Variants in LOXHD1 observed in about 807,000 individuals in gnomAD.
LOXHD1 encodes lipoxygenase homology domain-containing protein 1.
LOXHD1 carries 205 observed loss-of-function variants against 248.2 expected under a neutral mutation model. That is an observed-to-expected ratio of 0.83 (90% CI 0.74 to 0.93). The LOEUF is 0.93. Among genes scored for constraint, LOXHD1 ranks in the 40% least tolerant of loss-of-function variants. The probability of loss-of-function intolerance (pLI) is 0.00; values close to 1 mark genes in which losing one functional copy is unlikely to be tolerated. For missense variants in LOXHD1, 2,930 were observed against 2,971.6 expected (o/e 0.99, Z 0.33); for synonymous variants, 1,113 against 1,162.8 (o/e 0.96, Z 0.87).
chr18:46,546,518 C>CATTCT (rs2036845379), intron 22 of LOXHD1, among the ~76,000 whole-genome samples: 1 of 151,732 alleles, frequency 6.6e-6, no homozygotes, highest in Non-Finnish European at 1.5e-5. Flanking sequence ...CATTCCATTC[C>CATTCT]ACTCTACTCC....
intron 8 of LOXHD1, among the ~76,000 whole-genome samples, chr18:46,598,206 T>A (rs328138): frequency 6.6e-6 from 1 of 151,988 alleles, no homozygotes; most frequent in Non-Finnish European, 1.5e-5. Context: ...ATGAATAAAA[T>A]AGAAAGACCA....
chr18:46,630,869 G>A (rs1038141637), intron 4 of LOXHD1, among the ~76,000 whole-genome samples: 1 of 152,160 alleles, frequency 6.6e-6, no homozygotes, highest in African/African-American at 2.4e-5. Context: ...GTGCTACAGG[G>A]ACCTCAGAGA....
intron 2 of LOXHD1, among the ~76,000 whole-genome samples, chr18:46,646,753 C>T (rs1242163004): frequency 6.6e-6 from 1 of 152,224 alleles, no homozygotes; most frequent in East Asian, 1.9e-4. Flanking sequence ...CCTCTCTCAT[C>T]TGAGTTATTT....
intron 21 of LOXHD1, 89 bp from the exon 22 acceptor site, chr18:46,547,147 A>G: frequency 2.8e-6 from 4 of 1,450,516 alleles, no homozygotes; most frequent in South Asian, 1.2e-5. Flanking sequence ...GAGGCCCTCT[A>G]TGGGGTCCCA....
chr18:46,605,154 T>C (rs564931240), intron 6 of LOXHD1, among the ~76,000 whole-genome samples: 1 of 152,312 alleles, frequency 6.6e-6, no homozygotes, highest in Admixed American at 6.5e-5. Flanking sequence ...TTCATGGTTG[T>C]CTCTATATAA....
intron 15 of LOXHD1, among the ~76,000 whole-genome samples, chr18:46,570,777 T>C (rs1380657158): frequency 1.3e-5 from 2 of 152,198 alleles, no homozygotes; most frequent in African/African-American, 2.4e-5. Flanking sequence ...TTTTATGTTT[T>C]AAGAAAGTTT....
intron 2 of LOXHD1, 36 bp from the exon 3 acceptor site, chr18:46,642,072 G>C (rs1031529578): frequency 2.6e-6 from 4 of 1,540,360 alleles, no homozygotes; most frequent in Admixed American, 3.9e-5. Context: ...CAGATCAGCT[G>C]TTGGCTCACA....
At chr18:46,570,582 C>A (rs1428666077) in intron 15 of LOXHD1, among the ~76,000 whole-genome samples, 3 of 152,188 alleles carry the variant, frequency 2.0e-5, no homozygotes, top group Non-Finnish European at 4.4e-5. Flanking sequence ...TCTATTCTTG[C>A]TGAAAGATGT....
intron 34 of LOXHD1, among the ~76,000 whole-genome samples, chr18:46,514,399 A>C (rs948255947): frequency 2.0e-5 from 3 of 152,110 alleles, no homozygotes; most frequent in African/African-American, 4.8e-5. Flanking sequence ...CTCACCTCCA[A>C]GCTCTCTGAG....
At chr18:46,529,405 G>T (rs1344022619) in intron 28 of LOXHD1, 74 bp from the exon 29 acceptor site, 3 of 1,460,692 alleles carry the variant, frequency 2.1e-6, no homozygotes, top group Admixed American at 2.4e-5. Flanking sequence ...TTGAGGAACT[G>T]GATTTGTAGG....
intron 28 of LOXHD1, among the ~76,000 whole-genome samples, chr18:46,530,847 C>T (rs2036034621): frequency 6.6e-6 from 1 of 152,078 alleles, no homozygotes; most frequent in Non-Finnish European, 1.5e-5. Context: ...CCTAATCTTC[C>T]ACCCATGCCT....
intron 21 of LOXHD1, among the ~76,000 whole-genome samples, chr18:46,556,183 C>T (rs572844888): frequency 1.4e-4 from 22 of 151,916 alleles, no homozygotes; most frequent in Non-Finnish European, 2.9e-4. Flanking sequence ...TTTTGTGTTA[C>T]ACCAGCAAAG....
chr18:46,590,847 C>T (rs535485955), intron 12 of LOXHD1, among the ~76,000 whole-genome samples: 3 of 149,384 alleles, frequency 2.0e-5, no homozygotes, highest in Non-Finnish European at 4.4e-5. Flanking sequence ...ATTTTAAGGG[C>T]CTTTGCACAC....
chr18:46,648,813 T>G (rs2039068467), intron 2 of LOXHD1, among the ~76,000 whole-genome samples: 1 of 152,138 alleles, frequency 6.6e-6, no homozygotes, highest in Non-Finnish European at 1.5e-5. Context: ...GATATCTGTG[T>G]GATGATATAT....
At chr18:46,577,341 TA>T (rs948513698) in intron 14 of LOXHD1, among the ~76,000 whole-genome samples, 11 of 152,118 alleles carry the variant, frequency 7.2e-5, no homozygotes, top group Middle Eastern at 3.4e-3. Flanking sequence ...TTATTTAAAT[TA>T]AAAAAAAACT....
Position 46,485,082 on chromosome 18 carries a change from C to A in LOXHD1, c.6119G>T (p.Gly2040Val). 1.9e-6 allele frequency: 3 copies of A among 1,550,772 alleles called. No individual in the cohort carries two copies. The highest frequency in any genetic ancestry group is 1.4e-5 in the African/African-American group (1 of 72,760). Residue 2040 changes from glycine to valine, a missense_variant, in exon 39 of 41, where the codon GGC becomes GTC. Physicochemically the swap from Gly to Val is moderately radical, Grantham distance 109. Coordinates refer to ENST00000642948, the MANE Select transcript of LOXHD1 (RefSeq NM_001384474.1). ...AAACTCTTTGGATCGGTTCTTCCTG[C>A]CCTCCAGGATGAGCCAGACGTTCTC... Reference protein sequence around the residue: ...TRENVWLILEGRKNRSKEFLM... With the variant: ...TRENVWLILEVRKNRSKEFLM...
At chr18:46,594,061 G>C (rs1374541799) in intron 9 of LOXHD1, among the ~76,000 whole-genome samples, 1 of 152,186 alleles carries the variant, frequency 6.6e-6, no homozygotes, top group African/African-American at 2.4e-5. Flanking sequence ...TGTAGTGAAC[G>C]ATTCAGGTTA....
intron 21 of LOXHD1, among the ~76,000 whole-genome samples, chr18:46,549,813 C>T (rs1175062247): frequency 6.6e-6 from 1 of 152,216 alleles, no homozygotes; most frequent in Non-Finnish European, 1.5e-5. Flanking sequence ...TAGGACCCCC[C>T]AGGCCATCAA....
In LOXHD1 at chr18:46,506,020, G is replaced by C; in HGVS notation, c.5696C>G (p.Ala1899Gly). ...VAVKTSDILGAGTDANVFIII... is the reference protein window; with the variant it reads ...VAVKTSDILGGGTDANVFIII... The stretch of plus-strand genomic sequence containing the variant: ...GATGAACACGTTGGCATCAGTGCCT[G>C]CTCCTGGGGGGTGCACAAGGTGAGG... Residue 1899 changes from alanine to glycine, a missense_variant, in exon 37 of 41, where the codon GCA becomes GGA. Ala to Gly is a moderately conservative substitution (Grantham distance 60, BLOSUM62 0). Transcript: ENST00000642948. 6.4e-7 allele frequency: 1 copy of C among 1,552,098 alleles called. No individual in the cohort carries two copies. Among genetic ancestry groups the C allele is most frequent in the Non-Finnish European group, 8.7e-7 (1 of 1,147,038 alleles).
Sources: allele counts gnomAD v4.1 joint callset (sites outside exome capture counted in the v4.1 genomes callset), GRCh38; gene constraint gnomAD v4.1.1; transcripts MANE v1.5; gene names NCBI Gene and HGNC (gene_info 2026-07-23, HGNC 2026-07-21).